The following RBMS3 variants were observed in gnomAD, a reference collection of about 807,000 sequenced individuals.
RBMS3 encodes the protein RNA binding motif single stranded interacting protein 3.
Under a neutral mutation model 66.8 loss-of-function variants are expected in RBMS3, and 27 were observed. That is an observed-to-expected ratio of 0.40 (90% CI 0.30 to 0.56). RBMS3 has a LOEUF of 0.56. RBMS3 is among the 20% of genes least tolerant of loss of function. The pLI, the probability that RBMS3 is intolerant of heterozygous loss-of-function variation, is 0.40. For missense variants in RBMS3, 513 were observed against 549.5 expected (o/e 0.93, Z 0.66); for synonymous variants, 188 against 183.0 (o/e 1.03, Z -0.22).
At position 29,421,531 on chromosome 3, in the gene RBMS3, G is replaced by T. The variant is rs2040736337; in HGVS notation, c.76-13212G>T. Among the ~76,000 whole-genome samples the T allele has an allele frequency of 2.0e-5, 3 of 152,058 alleles. No homozygotes were observed. In the South Asian group the frequency reaches 6.2e-4, roughly 32 times the overall value. On this transcript the variant is annotated intron_variant, in intron 1 of 14. Coordinates refer to ENST00000383767, the MANE Select transcript of RBMS3 (RefSeq NM_001003793.3). The stretch of plus-strand genomic sequence containing the variant: ...TTTAGTAGTTGGTGTGTTATTTAAC[G>T]TATAAGTTTTTTCCACTGACAGTTA...
chr3:29,456,640 A>AT (rs1408436381), intron 2 of RBMS3, among the ~76,000 whole-genome samples: 1 of 152,328 alleles, frequency 6.6e-6, no homozygotes, highest in Non-Finnish European at 1.5e-5. Context: ...CAGTAATAGT[A>AT]TTTTTTATAA....
At chr3:29,818,441 T>A (rs1047606227) in intron 6 of RBMS3, among the ~76,000 whole-genome samples, 1 of 152,106 alleles carries the variant, frequency 6.6e-6, no homozygotes, top group African/African-American at 2.4e-5. Context: ...TAGTTGTCGT[T>A]TGATATTGCT....
chr3:29,319,570 C>T (rs1056833123), intron 1 of RBMS3, among the ~76,000 whole-genome samples: 3 of 151,946 alleles, frequency 2.0e-5, no homozygotes, highest in Admixed American at 6.6e-5. Flanking sequence ...ATCATTTACA[C>T]GGTACCTCAT....
At chr3:29,933,671 A>G (rs2061189886) in intron 10 of RBMS3, among the ~76,000 whole-genome samples, 1 of 152,108 alleles carries the variant, frequency 6.6e-6, no homozygotes, top group Non-Finnish European at 1.5e-5. Context: ...ATGTGCAATA[A>G]CTGATCTGCT....
intron 3 of RBMS3, among the ~76,000 whole-genome samples, chr3:29,533,792 A>C (rs2045453270): frequency 7.1e-6 from 1 of 140,002 alleles, no homozygotes; most frequent in Non-Finnish European, 1.5e-5. Context: ...AAATAAATAA[A>C]TAAAGCCCCC....
chr3:29,589,950 T>C (rs920112064), intron 4 of RBMS3, among the ~76,000 whole-genome samples: 8 of 152,030 alleles, frequency 5.3e-5, no homozygotes, highest in Non-Finnish European at 1.2e-4. Flanking sequence ...TATTCCAGTG[T>C]GTGCATATGG....
intron 1 of RBMS3, among the ~76,000 whole-genome samples, chr3:29,325,584 A>G (rs2035278977): frequency 6.7e-6 from 1 of 149,348 alleles, no homozygotes; most frequent in African/African-American, 2.5e-5. Flanking sequence ...ACATGTGTGT[A>G]TGTATATATA....
At chr3:29,569,836 C>T (rs1416670694) in intron 3 of RBMS3, among the ~76,000 whole-genome samples, 3 of 152,012 alleles carry the variant, frequency 2.0e-5, no homozygotes, top group African/African-American at 4.8e-5. Flanking sequence ...GGAATAAAAT[C>T]AGTTTTGCAA....
chr3:29,961,576 TCA>T (rs2149737077), intron 12 of RBMS3, among the ~76,000 whole-genome samples: 1 of 152,210 alleles, frequency 6.6e-6, no homozygotes, highest in African/African-American at 2.4e-5. Context: ...TTTAATTCAC[TCA>T]CAGTTCTGCA....
chr3:29,301,405 A>G (rs1427427532), intron 1 of RBMS3, among the ~76,000 whole-genome samples: 2 of 152,022 alleles, frequency 1.3e-5, no homozygotes, highest in Non-Finnish European at 2.9e-5. Context: ...AGAATATTTG[A>G]GTGACAAGTC....
intron 4 of RBMS3, among the ~76,000 whole-genome samples, chr3:29,622,090 A>G (rs552000544): frequency 8.1e-4 from 124 of 152,268 alleles, no homozygotes; most frequent in African/African-American, 2.9e-3. Context: ...TTCCAGCTCT[A>G]AAATTTCATG....
intron 10 of RBMS3, among the ~76,000 whole-genome samples, chr3:29,916,170 T>C (rs2060633798): frequency 6.6e-6 from 1 of 151,956 alleles, no homozygotes; most frequent in South Asian, 2.1e-4. Flanking sequence ...AGAGCCAAAA[T>C]TATGCAAGGA....
At chr3:29,966,895 T>G (rs1305583657) in intron 12 of RBMS3, among the ~76,000 whole-genome samples, 1 of 152,200 alleles carries the variant, frequency 6.6e-6, no homozygotes, top group Non-Finnish European at 1.5e-5. Flanking sequence ...AGGGTTTTAA[T>G]CATAAAGGGA....
At chr3:29,772,509 GT>G (rs1310970735) in intron 6 of RBMS3, among the ~76,000 whole-genome samples, 2 of 152,038 alleles carry the variant, frequency 1.3e-5, no homozygotes, top group East Asian at 1.9e-4. Flanking sequence ...CACAGTAAGA[GT>G]TTTTTTCAGC....
chr3:29,293,154 G>GT (rs1338235014), intron 1 of RBMS3, among the ~76,000 whole-genome samples: 1 of 151,790 alleles, frequency 6.6e-6, no homozygotes, highest in East Asian at 1.9e-4. Context: ...AAAGAGGGAT[G>GT]TTTTTCAGAA....
chr3:29,329,872 CATATTAATATAACTATATAATTAATATAT>C (rs2035553813), intron 1 of RBMS3, among the ~76,000 whole-genome samples: 2 of 147,092 alleles, frequency 1.4e-5, no homozygotes, highest in African/African-American at 4.9e-5. Context: ...CTATATAATA[CATATTAATATAACTATATAATTAATATAT>C]ATATTAATAT....
chr3:29,881,612 G>A (rs2059738523), intron 7 of RBMS3, among the ~76,000 whole-genome samples: 1 of 152,114 alleles, frequency 6.6e-6, no homozygotes, highest in Non-Finnish European at 1.5e-5. Flanking sequence ...TGAAAGATAG[G>A]ATGGGGGTTT....
chr3:29,506,582 G>T (rs1471146503), intron 3 of RBMS3, among the ~76,000 whole-genome samples: 2 of 152,062 alleles, frequency 1.3e-5, no homozygotes, highest in East Asian at 1.9e-4. Context: ...ACAGGAAAAT[G>T]CTGGCCCTAT....
intron 1 of RBMS3, among the ~76,000 whole-genome samples, chr3:29,307,444 GCC>G (rs2034087711): frequency 6.6e-6 from 1 of 151,826 alleles, no homozygotes; most frequent in Non-Finnish European, 1.5e-5. Context: ...ACCATGATAG[GCC>G]AGCTATACAT....
Sources: gnomAD v4.1 joint callset for allele counts (sites outside exome capture counted in the v4.1 genomes callset) on GRCh38, gnomAD v4.1.1 for gene constraint, MANE v1.5 for transcripts, NCBI Gene and HGNC (gene_info 2026-07-23, HGNC 2026-07-21) for gene names.